The following SSU72L2 variants were observed in gnomAD, a reference collection of about 807,000 sequenced individuals.
SSU72L2 encodes SSU72 like 2.
chr11:4,242,622 T>G, the SSU72L2 span: 1 of 658,002 alleles, frequency 1.5e-6, no homozygotes, highest in African/African-American at 1.8e-5. Flanking sequence ...ACAGCCACCC[T>G]GAGTGTGGAG....
the SSU72L2 span, chr11:4,242,531 C>G: frequency 1.3e-6 from 1 of 769,360 alleles, no homozygotes. Flanking sequence ...AGATTCAGTT[C>G]CAAAAGACCG....
the SSU72L2 span, among the ~76,000 whole-genome samples, chr11:4,241,705 C>T: frequency 6.8e-6 from 1 of 146,762 alleles, no homozygotes; most frequent in Non-Finnish European, 1.5e-5. Context: ...GCTGAATACC[C>T]TTAAACAAAT....
the SSU72L2 span, among the ~76,000 whole-genome samples, chr11:4,241,848 C>G: frequency 0.098 from 12,419 of 126,930 alleles, 539 homozygotes; most frequent in Middle Eastern, 0.13. Flanking sequence ...ACAATGCCAA[C>G]CATTTTTCAG....
chr11:4,242,570 C>T, the SSU72L2 span: 2 of 739,276 alleles, frequency 2.7e-6, no homozygotes, highest in Non-Finnish European at 4.9e-6. Flanking sequence ...CCTGAGGATG[C>T]TGTGGGCCTC....
At chr11:4,242,165 CA>C in the SSU72L2 span, 2 of 644,104 alleles carry the variant, frequency 3.1e-6, no homozygotes, top group African/African-American at 3.6e-5. Context: ...CAGGCACTGG[CA>C]AATCTCACAG....
At chr11:4,242,531 C>T in the SSU72L2 span, 1 of 769,360 alleles carries the variant, frequency 1.3e-6, no homozygotes, top group East Asian at 2.4e-5. Flanking sequence ...AGATTCAGTT[C>T]CAAAAGACCG....
the SSU72L2 span, chr11:4,241,965 A>C: frequency 1.7e-6 from 1 of 593,920 alleles, no homozygotes; most frequent in Non-Finnish European, 3.0e-6. Context: ...ACTCAGTGGA[A>C]GGTCTTTGTA....
chr11:4,241,946 A>G, the SSU72L2 span: 1 of 571,742 alleles, frequency 1.7e-6, no homozygotes, highest in East Asian at 2.9e-5. Flanking sequence ...CAAAAGTAAC[A>G]CAAACAGTAC....
At chr11:4,242,658 A>T in the SSU72L2 span, 1 of 496,608 alleles carries the variant, frequency 2.0e-6, no homozygotes, top group Non-Finnish European at 3.5e-6. Flanking sequence ...GCCACTGGGA[A>T]CCAGAGAGAC....
At chr11:4,242,445 T>G in the SSU72L2 span, 1 of 779,820 alleles carries the variant, frequency 1.3e-6, no homozygotes, top group Non-Finnish European at 2.4e-6. Context: ...AGGAGGTCAT[T>G]GTACATCTCC....
the SSU72L2 span, chr11:4,242,306 T>C: frequency 1.4e-6 from 1 of 728,326 alleles, no homozygotes; most frequent in African/African-American, 1.7e-5. Context: ...GACACTCTCC[T>C]CACAGGTGAA....
At chr11:4,241,775 G>A in the SSU72L2 span, among the ~76,000 whole-genome samples, 17 of 148,944 alleles carry the variant, frequency 1.1e-4, no homozygotes, top group Admixed American at 1.1e-3. Context: ...GCGTCATGGT[G>A]GGCTAGCTTC....
chr11:4,242,676 C>T, the SSU72L2 span: 4 of 575,952 alleles, frequency 6.9e-6, 1 homozygote, highest in South Asian at 4.7e-5. Context: ...GACACAGGCA[C>T]CTCAGCTGCT....
At chr11:4,241,715 T>C in the SSU72L2 span, among the ~76,000 whole-genome samples, 7 of 146,698 alleles carry the variant, frequency 4.8e-5, no homozygotes, top group African/African-American at 1.8e-4. Flanking sequence ...CTTAAACAAA[T>C]CATTTTTCAA....
chr11:4,241,733 A>T, the SSU72L2 span, among the ~76,000 whole-genome samples: 1 of 148,568 alleles, frequency 6.7e-6, no homozygotes, highest in Non-Finnish European at 1.5e-5. Flanking sequence ...CAAGCAGTCC[A>T]TTATCAGCTC....
the SSU72L2 span, among the ~76,000 whole-genome samples, chr11:4,241,837 C>A: frequency 1.4e-4 from 21 of 147,420 alleles, no homozygotes; most frequent in African/African-American, 5.4e-4. Flanking sequence ...ATGCACCTAG[C>A]ACAATGCCAA....
the SSU72L2 span, among the ~76,000 whole-genome samples, chr11:4,241,724 A>C: frequency 0.4 from 53,161 of 131,630 alleles, 12,039 homozygotes; most frequent in Middle Eastern, 0.55. Context: ...ATCATTTTTC[A>C]AGCAGTCCAT....
At chr11:4,242,060 T>C in the SSU72L2 span, 6 of 608,290 alleles carry the variant, frequency 9.9e-6, no homozygotes, top group East Asian at 5.5e-5. Context: ...AGATGTTCAG[T>C]AGAAGCAGAC....
the SSU72L2 span, among the ~76,000 whole-genome samples, chr11:4,241,904 C>A: frequency 1.9e-4 from 29 of 149,374 alleles, 1 homozygote; most frequent in African/African-American, 5.0e-4. Context: ...AAAATATTTT[C>A]TTGGTAATAG....
Sources: allele counts gnomAD v4.1 joint callset (sites outside exome capture counted in the v4.1 genomes callset), GRCh38; gene constraint gnomAD v4.1.1; transcripts MANE v1.5; gene names NCBI Gene and HGNC (gene_info 2026-07-23, HGNC 2026-07-21).